Variants in SLIT2 observed in about 807,000 individuals in gnomAD.
SLIT2 encodes the protein slit guidance ligand 2.
Under a neutral mutation model 185.7 loss-of-function variants are expected in SLIT2, and 41 were observed. That is an observed-to-expected ratio of 0.22 (90% confidence interval 0.17 to 0.29). SLIT2 has a LOEUF of 0.29. Among genes scored for constraint, SLIT2 ranks in the 10% least tolerant of loss-of-function variants. SLIT2 has a pLI of 1.00. For synonymous variants in SLIT2, 693 were observed against 680.2 expected, an observed-to-expected ratio of 1.02 and a Z score of -0.29; for missense variants, 1,571 against 1,909.0, an observed-to-expected ratio of 0.82 and a Z score of 3.30.
chr4:20,316,180 T>G (rs2109148698), intron 4 of SLIT2, among the ~76,000 whole-genome samples: 1 of 152,182 alleles, frequency 6.6e-6, no homozygotes, highest in Middle Eastern at 3.4e-3. Flanking sequence ...TCTAAGAGAT[T>G]TATTCAAAGG....
chr4:20,548,711 T>G, intron 23 of SLIT2, 152 bp downstream of exon 23: 1 of 618,962 alleles, frequency 1.6e-6, no homozygotes, highest in Non-Finnish European at 2.9e-6. Flanking sequence ...ACGTGAACAA[T>G]GTAGACATTA....
intron 4 of SLIT2, among the ~76,000 whole-genome samples, chr4:20,361,532 G>A (rs1325671092): frequency 1.3e-5 from 2 of 152,088 alleles, no homozygotes; most frequent in Non-Finnish European, 2.9e-5. Context: ...AAGTAGCAGT[G>A]CATTAAATAT....
chr4:20,367,247 G>T (rs546202539), intron 4 of SLIT2, among the ~76,000 whole-genome samples: 2 of 152,234 alleles, frequency 1.3e-5, no homozygotes, highest in African/African-American at 4.8e-5. Context: ...CTGTGATAAG[G>T]CATTAATTAC....
At chr4:20,383,754 G>A (rs948721728) in intron 4 of SLIT2, among the ~76,000 whole-genome samples, 1 of 152,094 alleles carries the variant, frequency 6.6e-6, no homozygotes, top group Non-Finnish European at 1.5e-5. Flanking sequence ...CCAGGCTGGA[G>A]TACAGTGGCA....
chr4:20,380,145 C>A (rs1172701247), intron 4 of SLIT2, among the ~76,000 whole-genome samples: 3 of 152,098 alleles, frequency 2.0e-5, no homozygotes, highest in Non-Finnish European at 4.4e-5. Flanking sequence ...TAGGACAAAA[C>A]CCTTTTATGC....
intron 30 of SLIT2, among the ~76,000 whole-genome samples, chr4:20,590,093 G>A (rs1403097086): frequency 2.0e-5 from 3 of 151,862 alleles, no homozygotes; most frequent in African/African-American, 4.8e-5. Context: ...TTTTAGTAGA[G>A]ACGGGGTTTC....
intron 3 of SLIT2, among the ~76,000 whole-genome samples, chr4:20,267,649 C>T (rs939167134): frequency 1.3e-5 from 2 of 151,798 alleles, no homozygotes; most frequent in African/African-American, 4.8e-5. Context: ...GAAAGGTCTT[C>T]TGTATAATCA....
intron 4 of SLIT2, among the ~76,000 whole-genome samples, chr4:20,447,062 A>G (rs901363254): frequency 6.6e-6 from 1 of 152,210 alleles, no homozygotes; most frequent in Non-Finnish European, 1.5e-5. Context: ...GCCCTGATCA[A>G]TGCTTGCCTC....
chr4:20,442,544 G>A (rs111522145), intron 4 of SLIT2, among the ~76,000 whole-genome samples: 3,754 of 104,580 alleles, frequency 0.036, 48 homozygotes, highest in African/African-American at 0.086. Flanking sequence ...AAAAAAAAAA[G>A]GGGGGGGAGG....
chr4:20,255,178 TG>T, intron 1 of SLIT2: 1 of 392,142 alleles, frequency 2.6e-6, no homozygotes, highest in South Asian at 1.9e-5. Context: ...GCGGCCTCTT[TG>T]CCCCCGGGGT....
intron 4 of SLIT2, among the ~76,000 whole-genome samples, chr4:20,287,998 A>G (rs555922035): frequency 1.2e-3 from 182 of 152,358 alleles, no homozygotes; most frequent in African/African-American, 4.2e-3. Context: ...GAAATGAAAC[A>G]AAATTTCAGT....
chr4:20,571,605 G>A (rs188011461), intron 29 of SLIT2, among the ~76,000 whole-genome samples: 9 of 152,268 alleles, frequency 5.9e-5, no homozygotes, highest in African/African-American at 1.7e-4. Flanking sequence ...CTGCAGTTAA[G>A]GAGGAATTTT....
At chr4:20,438,149 A>T (rs1413410535) in intron 4 of SLIT2, among the ~76,000 whole-genome samples, 1 of 152,048 alleles carries the variant, frequency 6.6e-6, no homozygotes. Flanking sequence ...CCTTCTTATG[A>T]TTCTCCAAAC....
intron 4 of SLIT2, among the ~76,000 whole-genome samples, chr4:20,277,170 A>G (rs1714249984): frequency 6.6e-6 from 1 of 152,162 alleles, no homozygotes; most frequent in African/African-American, 2.4e-5. Context: ...TTGTGTTTAC[A>G]TTTCAGTGTT....
Position 20,519,336 on chromosome 4 carries a change from T to C in SLIT2, c.1059-46T>C, listed in dbSNP as rs547018609. Reference sequence around the variant, plus strand: ...AAATATGTATTAGATGAATTTGTTATGCAGGTTTGGTGTCTAATTTTTTTC... The same window carrying C: ...AAATATGTATTAGATGAATTTGTTACGCAGGTTTGGTGTCTAATTTTTTTC... On this transcript the variant is annotated intron_variant, in intron 11 of 36. Coordinates refer to ENST00000504154, the MANE Select transcript of SLIT2 (RefSeq NM_004787.4). 3 of 922,010 alleles carry C rather than the reference T, an allele frequency of 3.3e-6. No homozygotes were observed. In the Admixed American group the frequency reaches 5.3e-5, roughly 16 times the overall value. The allele number at this position is 922,010 out of a possible 1,614,324, so 57.1% of individuals were successfully genotyped here. A position where few individuals can be genotyped will look rare whatever the true frequency, so the allele number is the denominator to read the frequency against.
At chr4:20,295,768 G>T (rs1431864806) in intron 4 of SLIT2, among the ~76,000 whole-genome samples, 1 of 152,076 alleles carries the variant, frequency 6.6e-6, no homozygotes, top group Non-Finnish European at 1.5e-5. Context: ...TAAAATTGAT[G>T]CTCTGCCGAA....
At chr4:20,507,243 G>GT (rs1177341825) in intron 9 of SLIT2, among the ~76,000 whole-genome samples, 2 of 151,754 alleles carry the variant, frequency 1.3e-5, no homozygotes, top group Non-Finnish European at 2.9e-5. Flanking sequence ...TATAATTTGG[G>GT]TTTTTTTGGT....
intron 25 of SLIT2, among the ~76,000 whole-genome samples, chr4:20,551,977 C>T (rs1723793689): frequency 6.6e-6 from 1 of 152,264 alleles, no homozygotes; most frequent in Non-Finnish European, 1.5e-5. Flanking sequence ...TTTTGTACAT[C>T]AGTCTATCAG....
intron 4 of SLIT2, among the ~76,000 whole-genome samples, chr4:20,458,961 T>C (rs1713389090): frequency 6.6e-6 from 1 of 152,226 alleles, no homozygotes; most frequent in Admixed American, 6.5e-5. Flanking sequence ...TTTTTCACAC[T>C]TCCATCTGTG....
Sources: allele counts gnomAD v4.1 joint callset (sites outside exome capture counted in the v4.1 genomes callset), GRCh38; gene constraint gnomAD v4.1.1; transcripts MANE v1.5; gene names NCBI Gene and HGNC (gene_info 2026-07-23, HGNC 2026-07-21).